The following ACYP2 variants were observed in gnomAD, a reference collection of about 807,000 sequenced individuals.
ACYP2 encodes acylphosphatase-2.
A neutral mutation model predicts 11.2 loss-of-function variants in ACYP2; 12 were observed. That is an observed-to-expected ratio of 1.08 (90% confidence interval 0.69 to 1.74). The LOEUF is 1.74. Ranked by LOEUF, ACYP2 falls within the 40% of genes most tolerant of loss-of-function variation. ACYP2 has a pLI of 0.00. For synonymous variants in ACYP2, 43 were observed against 32.2 expected, an observed-to-expected ratio of 1.33 and a Z score of -1.13; for missense variants, 134 against 101.9, an observed-to-expected ratio of 1.31 and a Z score of -1.35.
intron 4 of ACYP2, among the ~76,000 whole-genome samples, chr2:54,133,795 G>A (rs1174414765): frequency 6.6e-6 from 1 of 152,232 alleles, no homozygotes; most frequent in South Asian, 2.1e-4. Context: ...ACATATCCCT[G>A]ATAATTTGGA....
intron 6 of ACYP2, among the ~76,000 whole-genome samples, chr2:54,249,805 A>G (rs1687129031): frequency 1.3e-5 from 2 of 151,904 alleles, no homozygotes; most frequent in Admixed American, 6.6e-5. Flanking sequence ...TTAGCTGGGC[A>G]TGGTGGCATG....
intron 4 of ACYP2, among the ~76,000 whole-genome samples, chr2:54,079,111 G>T (rs1677507666): frequency 6.6e-6 from 1 of 152,164 alleles, no homozygotes; most frequent in South Asian, 2.1e-4. Flanking sequence ...TCTCAGTGAG[G>T]AGGAGCTGGG....
chr2:54,052,058 A>AAATG (rs1675894776), intron 3 of ACYP2, among the ~76,000 whole-genome samples: 1 of 150,882 alleles, frequency 6.6e-6, no homozygotes, highest in East Asian at 2.0e-4. Context: ...ATAAATAAAT[A>AAATG]AATAAATAAA....
At chr2:54,287,656 A>G (rs1569086) in intron 6 of ACYP2, among the ~76,000 whole-genome samples, 6,010 of 152,048 alleles carry the variant, frequency 0.04, 165 homozygotes, top group South Asian at 0.1. Context: ...ATGCTGAAGA[A>G]GTCATGTAGG....
intron 2 of ACYP2, among the ~76,000 whole-genome samples, chr2:54,000,735 G>A (rs1227007419): frequency 6.6e-6 from 1 of 152,168 alleles, no homozygotes; most frequent in Admixed American, 6.5e-5. Context: ...CCCTGGCTCT[G>A]AAAATTTCTG....
chr2:53,993,422 A>G (rs1314762969), intron 2 of ACYP2, among the ~76,000 whole-genome samples: 1 of 152,060 alleles, frequency 6.6e-6, no homozygotes, highest in Non-Finnish European at 1.5e-5. Flanking sequence ...AGATTTGGGA[A>G]TCAGGCCGGG....
intron 6 of ACYP2, among the ~76,000 whole-genome samples, chr2:54,271,388 T>C (rs1474334464): frequency 1.3e-5 from 2 of 152,150 alleles, no homozygotes; most frequent in African/African-American, 4.8e-5. Context: ...GAACCTACGA[T>C]TGGGTTTTTG....
intron 6 of ACYP2, among the ~76,000 whole-genome samples, chr2:54,261,293 AT>A (rs1050579948): frequency 2.6e-5 from 4 of 151,732 alleles, no homozygotes; most frequent in Middle Eastern, 3.4e-3. Flanking sequence ...TCTGGCTATA[AT>A]TTTTTTTTCC....
intron 2 of ACYP2, chr2:53,975,210 C>T (rs1218370469): frequency 1.3e-5 from 5 of 384,900 alleles, no homozygotes; most frequent in Admixed American, 9.5e-5. Context: ...GGCGACAGAG[C>T]GAGACTCTGT....
intron 6 of ACYP2, among the ~76,000 whole-genome samples, chr2:54,231,704 T>A (rs2103967556): frequency 6.6e-6 from 1 of 152,344 alleles, no homozygotes; most frequent in South Asian, 2.1e-4. Context: ...TATCACTCAT[T>A]GGCATCTAGA....
chr2:54,263,048 G>C (rs1032872304), intron 6 of ACYP2, among the ~76,000 whole-genome samples: 2 of 152,168 alleles, frequency 1.3e-5, no homozygotes, highest in Non-Finnish European at 2.9e-5. Flanking sequence ...GTGAGACCCT[G>C]TGTGTTAGGT....
At chr2:54,230,170 AT>A (rs1246063889) in intron 6 of ACYP2, among the ~76,000 whole-genome samples, 1 of 152,162 alleles carries the variant, frequency 6.6e-6, no homozygotes, top group Non-Finnish European at 1.5e-5. Context: ...TCTATAGAGA[AT>A]CCCCTTCCCC....
chr2:54,109,827 C>T (rs567278604), intron 4 of ACYP2, among the ~76,000 whole-genome samples: 7 of 152,142 alleles, frequency 4.6e-5, no homozygotes, highest in African/African-American at 1.7e-4. Flanking sequence ...GTATTTTCTA[C>T]CATTGTTAAT....
intron 4 of ACYP2, chr2:54,115,731 C>T (rs1273471035): frequency 1.9e-6 from 3 of 1,613,048 alleles, no homozygotes; most frequent in African/African-American, 1.3e-5. Flanking sequence ...AATCCGTGGA[C>T]TACGAGGTGT....
At chr2:54,222,574 A>T (rs1210997769) in intron 6 of ACYP2, among the ~76,000 whole-genome samples, 1 of 151,904 alleles carries the variant, frequency 6.6e-6, no homozygotes, top group Non-Finnish European at 1.5e-5. Context: ...AAAAAATTAC[A>T]AACTGATTTA....
chr2:54,289,386 C>T (rs541078217), intron 6 of ACYP2, among the ~76,000 whole-genome samples: 2 of 152,088 alleles, frequency 1.3e-5, no homozygotes, highest in African/African-American at 4.8e-5. Context: ...TTTTTTGTTA[C>T]TAGGGTGACA....
chr2:54,156,244 A>C (rs1395989808), intron 6 of ACYP2, among the ~76,000 whole-genome samples: 1 of 152,188 alleles, frequency 6.6e-6, no homozygotes, highest in Admixed American at 6.5e-5. Context: ...ACAATATAAA[A>C]ACTTTAGCAT....
At position 54,296,303 on chromosome 2, in the gene ACYP2, G is replaced by A. The variant is rs573387257; in HGVS notation, c.405-8385G>A. ...TGCTGGCTTCCAAAGCAATAAATGC[G>A]TGGTGCTTACTGTATTTGATGGCTA... On this transcript the variant is annotated intron_variant, in intron 6 of 6. Coordinates refer to ENST00000607452, the MANE Select transcript of ACYP2 (RefSeq NM_001320586.2). Among the ~76,000 whole-genome samples the A allele has an allele frequency of 7.2e-4, 110 of 152,286 alleles. 1 individual carries two copies. Among genetic ancestry groups the A allele is most frequent in the Non-Finnish European group, 1.1e-3 (75 of 68,012 alleles).
At chr2:54,019,386 A>T (rs1292138260) in intron 2 of ACYP2, among the ~76,000 whole-genome samples, 1 of 148,606 alleles carries the variant, frequency 6.7e-6, no homozygotes, top group Non-Finnish European at 1.5e-5. Flanking sequence ...TTTTAATTTT[A>T]TTTTTTTTGA....
Sources: gnomAD v4.1 joint callset for allele counts (sites outside exome capture counted in the v4.1 genomes callset) on GRCh38, gnomAD v4.1.1 for gene constraint, MANE v1.5 for transcripts, NCBI Gene and HGNC (gene_info 2026-07-23, HGNC 2026-07-21) for gene names.